The following GRIK3 variants were observed in gnomAD, a reference collection of about 807,000 sequenced individuals.
The protein encoded by GRIK3 is glutamate receptor ionotropic, kainate 3.
GRIK3 carries 29 observed loss-of-function variants against 102.5 expected under a neutral mutation model. The observed-to-expected ratio is 0.28, with a 90% CI of 0.21 to 0.39. The LOEUF (loss-of-function observed/expected upper bound fraction) is 0.39. Among genes scored for constraint, GRIK3 ranks in the 10% least tolerant of loss-of-function variants. GRIK3 has a pLI of 1.00. For missense variants in GRIK3, 908 were observed against 1,252.4 expected (o/e 0.73, Z 4.15); for synonymous variants, 511 against 504.9 (o/e 1.01, Z -0.16).
intron 2 of GRIK3, among the ~76,000 whole-genome samples, chr1:36,889,805 C>G (rs1303018586): frequency 4.6e-5 from 7 of 152,176 alleles, no homozygotes; most frequent in Admixed American, 4.6e-4. Flanking sequence ...TTTTAGCAAA[C>G]ATAGACAGAA....
At chr1:36,947,110 G>C (rs1641792601) in intron 1 of GRIK3, among the ~76,000 whole-genome samples, 1 of 152,066 alleles carries the variant, frequency 6.6e-6, no homozygotes, top group South Asian at 2.1e-4. Flanking sequence ...GGGGAGGAGA[G>C]GGACAAGCAG....
intron 1 of GRIK3, among the ~76,000 whole-genome samples, chr1:36,996,753 G>A (rs184198102): frequency 1.6e-4 from 24 of 152,286 alleles, no homozygotes; most frequent in Middle Eastern, 6.8e-3. Flanking sequence ...ACTTGGTCAC[G>A]TGTGGAGGGA....
chr1:36,852,842 A>G (rs1222004493), intron 8 of GRIK3, among the ~76,000 whole-genome samples: 5 of 152,172 alleles, frequency 3.3e-5, no homozygotes, highest in Admixed American at 2.0e-4. Context: ...CTGAGCCCCC[A>G]GAATCCAGGT....
chr1:36,918,606 G>A (rs1229997875), intron 1 of GRIK3, among the ~76,000 whole-genome samples: 3 of 152,192 alleles, frequency 2.0e-5, no homozygotes, highest in Admixed American at 1.3e-4. Flanking sequence ...TTCAGACAGA[G>A]TCGTAACCTC....
At chr1:36,950,872 T>G (rs189029612) in intron 1 of GRIK3, among the ~76,000 whole-genome samples, 1 of 152,196 alleles carries the variant, frequency 6.6e-6, no homozygotes, top group East Asian at 1.9e-4. Context: ...CCTGGGATGA[T>G]AGAAGCCTCT....
chr1:36,891,241 T>G, intron 1 of GRIK3, 145 bp from the exon 2 acceptor site: 1 of 574,864 alleles, frequency 1.7e-6, no homozygotes, highest in Non-Finnish European at 3.1e-6. Flanking sequence ...ACCTAGAAAG[T>G]GTGCAGGAGC....
chr1:36,806,550 G>C lies in GRIK3; in HGVS notation c.2092-224C>G, dbSNP rs1457222976. Among the ~76,000 whole-genome samples, 2 of 152,180 alleles carry C rather than the reference G, an allele frequency of 1.3e-5. No individual in the cohort carries two copies. Among genetic ancestry groups the C allele is most frequent in the Admixed American group, 6.5e-5 (1 of 15,284 alleles). ...AAAACGGAAATGTAGACTCAGGCCT[G>C]CTTCCTGGAAACCCTGGCCATGGCA... On this transcript the variant is annotated intron_variant, in intron 13 of 15. Transcript: ENST00000373091. The surrounding 1 kb of genome is among the most constrained non-coding windows in gnomAD (Gnocchi z 4.0).
At chr1:37,013,243 A>G (rs1179720431) in intron 1 of GRIK3, among the ~76,000 whole-genome samples, 1 of 152,224 alleles carries the variant, frequency 6.6e-6, no homozygotes, top group Non-Finnish European at 1.5e-5. Flanking sequence ...ATTATCTCCC[A>G]TTGGTTCCCT....
At chr1:37,004,074 C>T (rs897336700) in intron 1 of GRIK3, among the ~76,000 whole-genome samples, 1 of 152,114 alleles carries the variant, frequency 6.6e-6, no homozygotes, top group Non-Finnish European at 1.5e-5. Context: ...ACACGGACCC[C>T]AGAAAACATC....
intron 1 of GRIK3, among the ~76,000 whole-genome samples, chr1:36,908,288 T>TA (rs1169648670): frequency 7.9e-5 from 12 of 152,198 alleles, no homozygotes; most frequent in Admixed American, 5.2e-4. Flanking sequence ...TGGGGGGCAG[T>TA]GTCAACTGCA....
intron 10 of GRIK3, among the ~76,000 whole-genome samples, chr1:36,829,148 A>C (rs1319242218): frequency 6.6e-6 from 1 of 152,078 alleles, no homozygotes; most frequent in African/African-American, 2.4e-5. Flanking sequence ...AAAATACTAC[A>C]TTTCACCGTT....
rs566113069 is a variant in GRIK3, at chr1:36,799,751, C to T, written c.*2100G>A. On this transcript the variant is annotated 3_prime_UTR_variant, in exon 16 of 16. Coordinates refer to ENST00000373091, the MANE Select transcript of GRIK3 (RefSeq NM_000831.4). ...TGCTTCACATATTTGTCTCCCTCGT[C>T]CCCAATTCACTCAGATACACATACG... 6.6e-6 allele frequency: 1 copy of T among 152,310 alleles called. No homozygotes were observed. The highest frequency in any genetic ancestry group is 1.9e-4 in the East Asian group (1 of 5,178). 9.4% of individuals were successfully genotyped at this position (152,310 alleles called of 1,614,324 possible).
intron 5 of GRIK3, among the ~76,000 whole-genome samples, 196 bp from the exon 6 acceptor site, chr1:36,860,213 C>A (rs1003051294): frequency 8.5e-5 from 13 of 152,212 alleles, no homozygotes; most frequent in Non-Finnish European, 1.3e-4. Flanking sequence ...GAGTCTGACT[C>A]AGAACTTGGG....
rs1246731405 is a variant in GRIK3 at position 36,795,592 on chromosome 1, A to G, written c.*6259T>C. 6.6e-6 allele frequency: 1 copy of G among 152,244 alleles called. No individual in the cohort carries two copies. Among genetic ancestry groups the G allele is most frequent in the Non-Finnish European group, 1.5e-5 (1 of 68,048 alleles). 9.4% of individuals were successfully genotyped at this position (152,244 alleles called of 1,614,324 possible). ...TATTACTTCATACAGCAAACTGTGC[A>G]CTTTGATATATCACAGTGTCTTAAA... On this transcript the variant is annotated 3_prime_UTR_variant, in exon 16 of 16. Transcript: ENST00000373091.
At chr1:37,022,336 A>G (rs1377714590) in intron 1 of GRIK3, among the ~76,000 whole-genome samples, 2 of 152,230 alleles carry the variant, frequency 1.3e-5, no homozygotes, top group Non-Finnish European at 2.9e-5. Context: ...CAGCTCCCAG[A>G]AAGAGCAGCC....
Position 36,810,570 on chromosome 1 carries a change from T to A in GRIK3, c.2092-4244A>T, listed in dbSNP as rs1039458234. Among the ~76,000 whole-genome samples, 4 of 152,368 alleles carry A rather than the reference T, an allele frequency of 2.6e-5. No homozygotes were observed. In the South Asian group the frequency reaches 8.3e-4, roughly 32 times the overall value. On this transcript the variant is annotated intron_variant, in intron 13 of 15. Transcript: ENST00000373091. ...TAACATTTCTGTACAAGAGAATGTATGTAAGTCTATATATATATAGCAATT... is the reference window on the plus strand; with the variant it reads ...TAACATTTCTGTACAAGAGAATGTAAGTAAGTCTATATATATATAGCAATT...
rs567158476 is a variant in GRIK3, at chr1:36,872,877, C to A, written c.551-508G>T. On this transcript the variant is annotated intron_variant, in intron 3 of 15. Coordinates refer to ENST00000373091, the MANE Select transcript of GRIK3 (RefSeq NM_000831.4). The surrounding 1 kb of genome is among the most constrained non-coding windows in gnomAD (Gnocchi z 5.9). ...GCGAGCTGCTTCCAGGATATGGGCA[C>A]AAAAGGCAGCTCCAGCCTCAGTGGT... 2.6e-5 allele frequency among the ~76,000 whole-genome samples: 4 copies of A among 152,354 alleles called. No homozygotes were observed. The East Asian group carries it at 7.7e-4, about 29-fold the overall frequency.
intron 1 of GRIK3, among the ~76,000 whole-genome samples, chr1:36,995,338 C>T (rs940992000): frequency 6.6e-6 from 1 of 152,168 alleles, no homozygotes; most frequent in African/African-American, 2.4e-5. Flanking sequence ...CTTTGTTTTG[C>T]ATTTTAAGAC....
chr1:36,842,752 C>T lies in GRIK3; in HGVS notation c.1327-813G>A, dbSNP rs553513634. Among the ~76,000 whole-genome samples, 9 of 152,316 alleles carry T rather than the reference C, an allele frequency of 5.9e-5. No homozygotes were observed. The South Asian group carries it at 1.9e-3, about 32-fold the overall frequency. ...GCCTCATTTCACCTTAATGTCAGCC[C>T]TCTGGGGTGGGTATGAATAATCCCA... On this transcript the variant is annotated intron_variant, in intron 9 of 15. Transcript: ENST00000373091.
Sources: allele counts gnomAD v4.1 joint callset (sites outside exome capture counted in the v4.1 genomes callset), GRCh38; gene constraint gnomAD v4.1.1; non-coding constraint Gnocchi (gnomAD v3.1); transcripts MANE v1.5; gene names NCBI Gene and HGNC (gene_info 2026-07-23, HGNC 2026-07-21).